Variants in NAALADL2 observed in about 807,000 individuals in gnomAD.
NAALADL2 encodes inactive N-acetylated-alpha-linked acidic dipeptidase-like protein 2.
NAALADL2 carries 76 observed loss-of-function variants against 87.2 expected under a neutral mutation model. That is an observed-to-expected ratio of 0.87 (90% CI 0.72 to 1.05). The LOEUF (loss-of-function observed/expected upper bound fraction) is 1.05. Among genes scored for constraint, NAALADL2 ranks in the 50% least tolerant of loss-of-function variants. The pLI is 0.00. For missense variants in NAALADL2, 1,089 were observed against 945.8 expected (o/e 1.15, Z -1.99); for synonymous variants, 354 against 331.0 (o/e 1.07, Z -0.75).
At chr3:175,635,619 T>A (rs1263441955) in intron 11 of NAALADL2, among the ~76,000 whole-genome samples, 2 of 152,178 alleles carry the variant, frequency 1.3e-5, no homozygotes, top group Non-Finnish European at 2.9e-5. Flanking sequence ...TAAAGTAACA[T>A]TTTTGGTGAT....
At chr3:174,490,801 T>C (rs1718142928) in intron 1 of NAALADL2, among the ~76,000 whole-genome samples, 1 of 151,874 alleles carries the variant, frequency 6.6e-6, no homozygotes, top group Non-Finnish European at 1.5e-5. Context: ...GAAGGAGAAG[T>C]TGGTGGGTTT....
At chr3:175,208,277 A>G (rs904732585) in intron 2 of NAALADL2, among the ~76,000 whole-genome samples, 2 of 152,066 alleles carry the variant, frequency 1.3e-5, no homozygotes, top group African/African-American at 4.8e-5. Context: ...GGGTATGTCA[A>G]TTCTTTAAAA....
intron 3 of NAALADL2, among the ~76,000 whole-genome samples, chr3:174,768,303 C>G (rs959400656): frequency 6.6e-6 from 1 of 152,058 alleles, no homozygotes; most frequent in Non-Finnish European, 1.5e-5. Flanking sequence ...ATAATAATAT[C>G]TTTAGCTGGG....
chr3:174,675,344 C>A, intron 2 of NAALADL2, among the ~76,000 whole-genome samples: 1 of 151,912 alleles, frequency 6.6e-6, no homozygotes, highest in East Asian at 1.9e-4. Flanking sequence ...TGAATTGCCA[C>A]CCTCTGCTTT....
chr3:174,597,622 T>C (rs1419854341), intron 2 of NAALADL2, among the ~76,000 whole-genome samples: 2 of 152,198 alleles, frequency 1.3e-5, no homozygotes, highest in Admixed American at 1.3e-4. Flanking sequence ...CTGAATGAGG[T>C]ATTTAAAATG....
At chr3:175,192,401 T>G (rs1738345670) in intron 2 of NAALADL2, among the ~76,000 whole-genome samples, 1 of 152,104 alleles carries the variant, frequency 6.6e-6, no homozygotes, top group Non-Finnish European at 1.5e-5. Context: ...CTCTACCATT[T>G]CACTCATAAA....
rs376951561 is a variant in NAALADL2 at position 174,706,954 on chromosome 3, G to A, written c.-114-30687G>A. Reference sequence around the variant, plus strand: ...CAAGAACTCAAACAAATTTACAAGAGAAAAACAACCCCATCAAAAAGTGGG... The same window carrying A: ...CAAGAACTCAAACAAATTTACAAGAAAAAAACAACCCCATCAAAAAGTGGG... On this transcript the variant is annotated intron_variant, in intron 2 of 3. Coordinates refer to the NAALADL2 transcript ENST00000434257. 1.7e-3 allele frequency among the ~76,000 whole-genome samples: 261 copies of A among 151,750 alleles called. 2 individuals carry two copies. Among genetic ancestry groups the A allele is most frequent in the African/African-American group, 6.0e-3 (249 of 41,408 alleles).
At chr3:174,809,323 AC>A (rs1665682221) in intron 3 of NAALADL2, among the ~76,000 whole-genome samples, 1 of 152,192 alleles carries the variant, frequency 6.6e-6, no homozygotes, top group South Asian at 2.1e-4. Context: ...GAAAGGAACC[AC>A]GCTATGTAAA....
intron 5 of NAALADL2, among the ~76,000 whole-genome samples, chr3:175,366,637 G>T (rs1457181718): frequency 0.012 from 1,853 of 151,254 alleles, 41 homozygotes; most frequent in African/African-American, 0.044. Flanking sequence ...TCATGTGTCT[G>T]TTGGCTGCAT....
chr3:174,993,202 C>T (rs142704920), intron 1 of NAALADL2, among the ~76,000 whole-genome samples: 182 of 151,146 alleles, frequency 1.2e-3, no homozygotes, highest in Middle Eastern at 0.01. Flanking sequence ...TAGTAAGAGC[C>T]GTAGAAAAGA....
rs149052414 is a variant in NAALADL2 at position 174,664,680 on chromosome 3, T to G, written c.-114-72961T>G. Among the ~76,000 whole-genome samples the G allele has an allele frequency of 1.8e-4, 28 of 152,186 alleles. No homozygotes were observed. The East Asian group carries it at 4.6e-3, about 25-fold the overall frequency. ...ATGGGCAATTTAATGGTCTGAACAT[T>G]TAGTTTCTGGTATTTTGTGCAAATG... On this transcript the variant is annotated intron_variant, in intron 2 of 3. Transcript: ENST00000434257.
intron 5 of NAALADL2, among the ~76,000 whole-genome samples, chr3:175,328,684 CAA>C (rs1048366519): frequency 9.9e-5 from 15 of 152,042 alleles, no homozygotes; most frequent in African/African-American, 3.6e-4. Context: ...GCATTTTAGC[CAA>C]AGACTGAGGT....
At position 175,749,023 on chromosome 3, in the gene NAALADL2, C is replaced by T. The variant is rs112176959; in HGVS notation, c.1991-6197C>T. 4.2e-3 allele frequency among the ~76,000 whole-genome samples: 640 copies of T among 150,766 alleles called. 5 individuals carry two copies. The highest frequency in any genetic ancestry group is 0.015 in the African/African-American group (610 of 40,914). ...TTGGAAGGCTGAGGTAGAAGGATCT[C>T]TTGAGCTCAGGAGGTCATCCCTGCA... is the stretch of plus-strand genomic sequence containing the variant. On this transcript the variant is annotated intron_variant, in intron 12 of 13. Transcript: ENST00000454872.
At chr3:174,777,086 C>T (rs1252834136) in intron 3 of NAALADL2, among the ~76,000 whole-genome samples, 2 of 152,088 alleles carry the variant, frequency 1.3e-5, no homozygotes, top group Non-Finnish European at 2.9e-5. Context: ...TGTCAACTAT[C>T]ATAATCTTTT....
intron 13 of NAALADL2, among the ~76,000 whole-genome samples, chr3:175,772,985 G>T (rs1301282136): frequency 6.6e-6 from 1 of 152,092 alleles, no homozygotes; most frequent in Non-Finnish European, 1.5e-5. Flanking sequence ...GGAGTAAAAG[G>T]TTTGTGTTAT....
chr3:175,281,552 CAA>C (rs929953157), intron 4 of NAALADL2, among the ~76,000 whole-genome samples: 1 of 151,906 alleles, frequency 6.6e-6, no homozygotes, highest in African/African-American at 2.4e-5. Context: ...TATACATGCT[CAA>C]ACTCTTTTGT....
At chr3:175,471,379 G>A (rs1582028085) in intron 8 of NAALADL2, among the ~76,000 whole-genome samples, 1 of 151,196 alleles carries the variant, frequency 6.6e-6, no homozygotes, top group African/African-American at 2.4e-5. Flanking sequence ...AGCTACTGAG[G>A]CAGGAGAATG....
chr3:174,848,724 G>A (rs985949192), intron 3 of NAALADL2, among the ~76,000 whole-genome samples: 6 of 152,146 alleles, frequency 3.9e-5, no homozygotes, highest in South Asian at 2.1e-4. Context: ...ACAGTCATGC[G>A]TCACTTAATA....
chr3:175,449,120 C>T (rs1477181097), intron 6 of NAALADL2, among the ~76,000 whole-genome samples: 1 of 151,964 alleles, frequency 6.6e-6, no homozygotes, highest in Non-Finnish European at 1.5e-5. Context: ...ACTCTATTGC[C>T]CAGGCTGGAG....
Sources: allele counts gnomAD v4.1 joint callset (sites outside exome capture counted in the v4.1 genomes callset), GRCh38; gene constraint gnomAD v4.1.1; transcripts MANE v1.5; gene names NCBI Gene and HGNC (gene_info 2026-07-23, HGNC 2026-07-21).